Variants in UBE4A observed in about 807,000 individuals in gnomAD.
UBE4A encodes the protein ubiquitin conjugation factor E4 A.
A neutral mutation model predicts 117.9 loss-of-function variants in UBE4A; 48 were observed. That is an observed-to-expected ratio of 0.41 (90% CI 0.32 to 0.52). UBE4A has a LOEUF of 0.52. UBE4A is among the 20% of genes least tolerant of loss of function. UBE4A has a pLI of 0.33. For missense variants in UBE4A, 1,067 were observed against 1,296.3 expected, an observed-to-expected ratio of 0.82 and a Z score of 2.72; for synonymous variants, 407 against 450.0, an observed-to-expected ratio of 0.90 and a Z score of 1.21.
intron 16 of UBE4A, 34 bp downstream of exon 16, chr11:118,386,646 A>G: frequency 6.7e-7 from 1 of 1,493,960 alleles, no homozygotes; most frequent in Non-Finnish European, 8.9e-7. Flanking sequence ...CCCCCAAAAA[A>G]GTAATGGCCA....
intron 15 of UBE4A, among the ~76,000 whole-genome samples, chr11:118,385,526 A>G (rs2134105523): frequency 6.6e-6 from 1 of 152,328 alleles, no homozygotes; most frequent in African/African-American, 2.4e-5. Context: ...TATAAAATGC[A>G]GCTGGGTGCC....
At chr11:118,396,289 A>C in intron 19 of UBE4A, 25 bp from the exon 20 acceptor site, 1 of 1,601,504 alleles carries the variant, frequency 6.2e-7, no homozygotes, top group African/African-American at 1.4e-5. Context: ...AAATAACCCT[A>C]TTTCCCTTTC....
chr11:118,366,519 T>A (rs1432711411), intron 2 of UBE4A, among the ~76,000 whole-genome samples: 3 of 152,170 alleles, frequency 2.0e-5, no homozygotes, highest in African/African-American at 7.2e-5. Context: ...CTGTTACTAT[T>A]TTGGCACCTC....
intron 1 of UBE4A, among the ~76,000 whole-genome samples, chr11:118,364,582 G>C (rs1238178656): frequency 6.6e-6 from 1 of 151,990 alleles, no homozygotes; most frequent in Non-Finnish European, 1.5e-5. Flanking sequence ...CCAGCCCTAA[G>C]TCATAGAAGT....
At chr11:118,369,637 T>G in intron 4 of UBE4A, 102 bp downstream of exon 4, 1 of 674,850 alleles carries the variant, frequency 1.5e-6, no homozygotes, top group Non-Finnish European at 2.4e-6. Context: ...CATATGTCCA[T>G]CCCTCTCTCT....
chr11:118,380,786 A>G (rs569146767), intron 11 of UBE4A, among the ~76,000 whole-genome samples: 18 of 152,248 alleles, frequency 1.2e-4, no homozygotes, highest in East Asian at 3.9e-4. Flanking sequence ...TGCTTGTGCT[A>G]TTGGCCAGCA....
At chr11:118,374,427 A>G (rs571590989) in intron 8 of UBE4A, among the ~76,000 whole-genome samples, 19 of 152,230 alleles carry the variant, frequency 1.2e-4, no homozygotes, top group Non-Finnish European at 2.2e-4. Flanking sequence ...AAGTCCCCTA[A>G]TCATTAATCA....
chr11:118,396,238 C>T, intron 19 of UBE4A, 76 bp from the exon 20 acceptor site: 5 of 1,534,238 alleles, frequency 3.3e-6, no homozygotes, highest in Non-Finnish European at 3.5e-6. Flanking sequence ...GATGCGACGC[C>T]CAGGTGTTCT....
chr11:118,394,683 A>G (rs1403313349), intron 19 of UBE4A, among the ~76,000 whole-genome samples: 1 of 151,764 alleles, frequency 6.6e-6, no homozygotes, highest in Non-Finnish European at 1.5e-5. Flanking sequence ...CTGAGGCAGG[A>G]GAATCACTGG....
At chr11:118,389,974 G>T in intron 17 of UBE4A, 69 bp downstream of exon 17, 1 of 1,394,228 alleles carries the variant, frequency 7.2e-7, no homozygotes, top group South Asian at 1.6e-5. Context: ...ATAGTAGAAT[G>T]ACTGGTTGGT....
chr11:118,384,091 A>C (rs1028330820), intron 13 of UBE4A, among the ~76,000 whole-genome samples: 1 of 152,154 alleles, frequency 6.6e-6, no homozygotes, highest in East Asian at 1.9e-4. Flanking sequence ...TTGACTCCAA[A>C]TCCTACACTC....
Position 118,396,839 on chromosome 11 carries a change from T to C in UBE4A, c.*399T>C, listed in dbSNP as rs1948879071. On this transcript the variant is annotated 3_prime_UTR_variant, in exon 20 of 20. Transcript: ENST00000252108. ...TTGGTGAGTGCTGCTTTTATAAATA[T>C]GTGATGTCACATATTTCAGTGACAG... 5.6e-6 allele frequency: 1 copy of C among 178,744 alleles called. No homozygotes were observed. Among genetic ancestry groups the C allele is most frequent in the Non-Finnish European group, 1.1e-5 (1 of 87,226 alleles). The allele number at this position is 178,744 out of a possible 1,614,324, so 11.1% of individuals were successfully genotyped here. A position where few individuals can be genotyped will look rare whatever the true frequency, so the allele number is the denominator to read the frequency against.
intron 6 of UBE4A, 121 bp from the exon 7 acceptor site, chr11:118,372,965 A>C (rs1168385912): frequency 1.4e-5 from 14 of 1,028,462 alleles, no homozygotes; most frequent in Non-Finnish European, 1.9e-5. Flanking sequence ...GGCTGAGCAA[A>C]AAAACAAGAC....
chr11:118,394,748 T>C (rs1042647408), intron 19 of UBE4A, among the ~76,000 whole-genome samples: 25 of 148,534 alleles, frequency 1.7e-4, no homozygotes, highest in African/African-American at 5.7e-4. Context: ...CACTCCAGTC[T>C]GGGTGACAGA....
chr11:118,384,779 A>C, intron 14 of UBE4A, 44 bp downstream of exon 14: 1 of 1,610,810 alleles, frequency 6.2e-7, no homozygotes, highest in Admixed American at 1.7e-5. Flanking sequence ...TATAAGCCCT[A>C]ATGAGTTGTA....
At chr11:118,362,122 TTTTGTTTG>T (rs779092040) in intron 1 of UBE4A, among the ~76,000 whole-genome samples, 1 of 152,114 alleles carries the variant, frequency 6.6e-6, no homozygotes, top group Non-Finnish European at 1.5e-5. Flanking sequence ...TTGATAGTCT[TTTTGTTTG>T]TTTGTTTGTT....
At chr11:118,388,343 T>TA (rs564601470) in intron 16 of UBE4A, among the ~76,000 whole-genome samples, 83 of 152,256 alleles carry the variant, frequency 5.5e-4, no homozygotes, top group African/African-American at 1.9e-3. Flanking sequence ...AGCAGTTCCT[T>TA]ACAGATTTGT....
rs1948895398 is a variant in UBE4A at position 118,398,439 on chromosome 11, G to A, written c.*1999G>A. ...ATCTTTAAACTCTGCACAAGCAAGT[G>A]TGTAGCTTAAGGCCACTACTGGTAA... On this transcript the variant is annotated 3_prime_UTR_variant, in exon 20 of 20. Transcript: ENST00000252108. 6.6e-6 allele frequency: 1 copy of A among 152,650 alleles called. No individual in the cohort carries two copies. The highest frequency in any genetic ancestry group is 1.5e-5 in the Non-Finnish European group (1 of 68,048). The allele number at this position is 152,650 out of a possible 1,614,324, so 9.5% of individuals were successfully genotyped here. A position where few individuals can be genotyped will look rare whatever the true frequency, so the allele number is the denominator to read the frequency against.
intron 19 of UBE4A, among the ~76,000 whole-genome samples, chr11:118,393,381 C>T (rs1345063704): frequency 2.0e-5 from 3 of 152,202 alleles, no homozygotes; most frequent in Admixed American, 6.5e-5. Flanking sequence ...CGCACCACTG[C>T]ACTCCAGCCT....
Sources: allele counts gnomAD v4.1 joint callset (sites outside exome capture counted in the v4.1 genomes callset), GRCh38; gene constraint gnomAD v4.1.1; transcripts MANE v1.5; gene names NCBI Gene and HGNC (gene_info 2026-07-23, HGNC 2026-07-21).